CTNNA3: variants seen among roughly 807,000 people sequenced by gnomAD.
CTNNA3 encodes catenin alpha 3, also known as catenin alpha-3.
In CTNNA3, 76 loss-of-function variants were observed where a neutral mutation model predicts 95.7. The observed-to-expected ratio is 0.79, with a 90% CI of 0.66 to 0.96. CTNNA3 has a LOEUF of 0.96. CTNNA3 is among the 40% of genes least tolerant of loss of function. The pLI, the probability that CTNNA3 is intolerant of heterozygous loss-of-function variation, is 0.00. For missense variants in CTNNA3, 1,191 were observed against 1,089.8 expected (o/e 1.09, Z -1.31); for synonymous variants, 431 against 374.4 (o/e 1.15, Z -1.74).
At chr10:66,729,801 A>T (rs1310465145) in intron 9 of CTNNA3, among the ~76,000 whole-genome samples, 2 of 152,328 alleles carry the variant, frequency 1.3e-5, no homozygotes, top group South Asian at 2.1e-4. Flanking sequence ...AATTTAAAAA[A>T]TTTTAAAATC....
intron 13 of CTNNA3, among the ~76,000 whole-genome samples, chr10:66,127,180 G>C (rs1156534172): frequency 1.3e-5 from 2 of 150,858 alleles, no homozygotes; most frequent in Non-Finnish European, 2.9e-5. Context: ...GCTGAGGCAG[G>C]AGACTGGCGT....
intron 5 of CTNNA3, among the ~76,000 whole-genome samples, chr10:67,228,557 G>A (rs1865038445): frequency 6.6e-6 from 1 of 152,094 alleles, no homozygotes; most frequent in African/African-American, 2.4e-5. Context: ...AAGTTGCAGT[G>A]GGCTGAGATC....
At chr10:67,626,984 C>T (rs1224236835) in intron 2 of CTNNA3, among the ~76,000 whole-genome samples, 2 of 152,012 alleles carry the variant, frequency 1.3e-5, no homozygotes, top group Admixed American at 1.3e-4. Context: ...GACATTTTTG[C>T]CTAGGTCTAC....
chr10:65,930,588 G>A (rs943075459), intron 17 of CTNNA3, among the ~76,000 whole-genome samples: 9 of 152,026 alleles, frequency 5.9e-5, no homozygotes, highest in Admixed American at 3.3e-4. Flanking sequence ...TTAGTATGTC[G>A]TGATTTCATT....
chr10:66,875,002 T>A lies in CTNNA3; in HGVS notation c.1048-99478A>T, dbSNP rs16923627. On this transcript the variant is annotated intron_variant, in intron 7 of 17. Transcript: ENST00000433211. Reference sequence around the variant, plus strand: ...CCTGAAACTGCAGCTGCCACAGTGCTATGAAGGACAAGTGCAGTCTGTAAT... The same window carrying A: ...CCTGAAACTGCAGCTGCCACAGTGCAATGAAGGACAAGTGCAGTCTGTAAT... Among the ~76,000 whole-genome samples, 529 of 152,290 alleles carry A rather than the reference T, an allele frequency of 3.5e-3. 4 individuals are homozygous for A. The highest frequency in any genetic ancestry group is 0.012 in the African/African-American group (496 of 41,568).
intron 11 of CTNNA3, among the ~76,000 whole-genome samples, chr10:66,426,075 T>C (rs1036615598): frequency 6.6e-6 from 1 of 152,178 alleles, no homozygotes; most frequent in Non-Finnish European, 1.5e-5. Context: ...TCATTTTCAT[T>C]GTTTTGTAGT....
chr10:67,194,302 T>G (rs1317208396), intron 6 of CTNNA3, among the ~76,000 whole-genome samples: 1 of 152,084 alleles, frequency 6.6e-6, no homozygotes, highest in African/African-American at 2.4e-5. Context: ...TGCCAAAACT[T>G]GGACGCAACC....
At chr10:66,875,642 A>G (rs561441643) in intron 7 of CTNNA3, among the ~76,000 whole-genome samples, 1 of 132,080 alleles carries the variant, frequency 7.6e-6, no homozygotes, top group South Asian at 2.9e-4. Context: ...AAGCTTTAAA[A>G]TAAAAAAAAT....
At chr10:67,341,392 A>G (rs918196242) in intron 5 of CTNNA3, among the ~76,000 whole-genome samples, 4 of 152,172 alleles carry the variant, frequency 2.6e-5, no homozygotes, top group Middle Eastern at 3.4e-3. Flanking sequence ...CTCCATCTAC[A>G]TGAGTTCAAT....
chr10:65,915,097 C>G lies in CTNNA3; in HGVS notation c.*5233G>C, dbSNP rs561823937. On this transcript the variant is annotated 3_prime_UTR_variant, in exon 18 of 18. Coordinates refer to ENST00000433211, the MANE Select transcript of CTNNA3 (RefSeq NM_013266.4). The stretch of plus-strand genomic sequence containing the variant: ...TTGTTATATGGTGTATCCTAAGAAC[C>G]TAGAACAGTGCCTGGAACATCACAG... 1.3e-5 allele frequency: 2 copies of G among 152,000 alleles called. No homozygotes were observed. Among genetic ancestry groups the G allele is most frequent in the South Asian group, 4.2e-4 (2 of 4,818 alleles). 9.4% of individuals were successfully genotyped at this position (152,000 alleles called of 1,614,324 possible).
chr10:67,692,241 C>T (rs1840879522), intron 1 of CTNNA3, among the ~76,000 whole-genome samples: 1 of 149,706 alleles, frequency 6.7e-6, no homozygotes, highest in African/African-American at 2.5e-5. Context: ...GGGAGGTGTA[C>T]CCAACAGCTC....
At chr10:66,977,894 T>C (rs934394802) in intron 7 of CTNNA3, among the ~76,000 whole-genome samples, 1 of 152,204 alleles carries the variant, frequency 6.6e-6, no homozygotes, top group African/African-American at 2.4e-5. Flanking sequence ...AAATAGTTTA[T>C]AAATGTAAGT....
In CTNNA3 at chr10:66,326,568, T is replaced by G. The variant is rs571721735; in HGVS notation, c.1733-45947A>C. Reference sequence around the variant, plus strand: ...CATAAGTTATAGGAAAATAATACAATGAAGGGTAAAATATATAAACTGAAA... The same window carrying G: ...CATAAGTTATAGGAAAATAATACAAGGAAGGGTAAAATATATAAACTGAAA... On this transcript the variant is annotated intron_variant, in intron 12 of 17. Transcript: ENST00000433211. Among the ~76,000 whole-genome samples the G allele has an allele frequency of 1.4e-3, 207 of 152,056 alleles. 4 individuals are homozygous for G. Among genetic ancestry groups the G allele is most frequent in the Middle Eastern group, 6.8e-3 (2 of 294 alleles).
intron 5 of CTNNA3, among the ~76,000 whole-genome samples, chr10:67,303,774 C>A (rs958953046): frequency 3.3e-5 from 5 of 152,072 alleles, no homozygotes; most frequent in Non-Finnish European, 5.9e-5. Context: ...CTCCTTTCCC[C>A]TATTTAGATA....
intron 7 of CTNNA3, among the ~76,000 whole-genome samples, chr10:66,913,260 A>AAAAAG (rs1846313736): frequency 8.2e-5 from 12 of 146,246 alleles, no homozygotes; most frequent in African/African-American, 2.7e-4. Context: ...AAAAAAAAAA[A>AAAAAG]AAAAAGAAAA....
chr10:66,561,661 A>G (rs1199110645), intron 10 of CTNNA3, among the ~76,000 whole-genome samples: 1 of 152,084 alleles, frequency 6.6e-6, no homozygotes, highest in African/African-American at 2.4e-5. Context: ...GGAGACATTC[A>G]AAACAGGAAG....
At chr10:67,483,449 G>T (rs534982089) in intron 5 of CTNNA3, among the ~76,000 whole-genome samples, 102 of 150,330 alleles carry the variant, frequency 6.8e-4, no homozygotes, top group African/African-American at 2.2e-3. Context: ...AAAAAATGAT[G>T]AGTTCATGTC....
At chr10:67,754,427 C>G (rs1589589994) in intron 1 of CTNNA3, among the ~76,000 whole-genome samples, 1 of 152,028 alleles carries the variant, frequency 6.6e-6, no homozygotes, top group Non-Finnish European at 1.5e-5. Flanking sequence ...TGTAACAAAC[C>G]TGCACATCAT....
chr10:67,199,341 C>T (rs946479838), intron 6 of CTNNA3, among the ~76,000 whole-genome samples: 1 of 120,732 alleles, frequency 8.3e-6, no homozygotes, highest in Non-Finnish European at 1.6e-5. Flanking sequence ...TAAATGGCTA[C>T]AAGTTTTTTT....
Sources: gnomAD v4.1 joint callset for allele counts (sites outside exome capture counted in the v4.1 genomes callset) on GRCh38, gnomAD v4.1.1 for gene constraint, MANE v1.5 for transcripts, NCBI Gene and HGNC (gene_info 2026-07-23, HGNC 2026-07-21) for gene names.